PFKM: variants seen among roughly 807,000 people sequenced by gnomAD.
The protein encoded by PFKM is ATP-dependent 6-phosphofructokinase, muscle type.
A neutral mutation model predicts 95.5 loss-of-function variants in PFKM; 58 were observed. The ratio of observed to expected loss-of-function variants is 0.61; its 90% CI spans 0.49 to 0.76. The LOEUF is 0.76. Among genes scored for constraint, PFKM ranks in the 30% least tolerant of loss-of-function variants. PFKM has a pLI of 0.00. For missense variants in PFKM, 678 were observed against 1,005.4 expected (o/e 0.67, Z 4.40); for synonymous variants, 336 against 357.2 (o/e 0.94, Z 0.67).
At chr12:48,135,771 C>T (rs1592749058) in intron 10 of PFKM, among the ~76,000 whole-genome samples, 1 of 152,244 alleles carries the variant, frequency 6.6e-6, no homozygotes, top group East Asian at 1.9e-4. Context: ...AATATCATCA[C>T]CAGGATATTG....
chr12:48,111,083 C>T (rs555489263), intron 3 of PFKM, among the ~76,000 whole-genome samples: 1 of 152,292 alleles, frequency 6.6e-6, no homozygotes, highest in African/African-American at 2.4e-5. Context: ...GATCCAACTG[C>T]CCACTAGACA....
intron 3 of PFKM, among the ~76,000 whole-genome samples, chr12:48,112,603 G>A (rs986602651): frequency 2.0e-5 from 3 of 152,150 alleles, no homozygotes; most frequent in African/African-American, 7.2e-5. Flanking sequence ...AAGAAAGCAT[G>A]TTTGAGATCC....
At chr12:48,137,887 C>T (rs747009207) in intron 11 of PFKM, 41 bp downstream of exon 11, 4 of 1,612,132 alleles carry the variant, frequency 2.5e-6, no homozygotes, top group Non-Finnish European at 3.4e-6. Flanking sequence ...CACTCTCAAG[C>T]CCCTGCCTTG....
At chr12:48,135,609 ATCTTTTTGTTTT>A (rs1950007237) in intron 10 of PFKM, among the ~76,000 whole-genome samples, 1 of 152,152 alleles carries the variant, frequency 6.6e-6, no homozygotes, top group Admixed American at 6.5e-5. Context: ...GAGGAACAAT[ATCTTTTTGTTTT>A]GTTTTGTTTC....
At chr12:48,111,678 T>G (rs1365503105) in intron 3 of PFKM, among the ~76,000 whole-genome samples, 1 of 151,922 alleles carries the variant, frequency 6.6e-6, no homozygotes, top group Admixed American at 6.6e-5. Flanking sequence ...GTAAACCAAG[T>G]GTGATCAGGG....
upstream of PFKM, among the ~76,000 whole-genome samples, chr12:48,116,609 G>T (rs1219916811): frequency 6.6e-6 from 1 of 152,152 alleles, no homozygotes; most frequent in African/African-American, 2.4e-5. Context: ...CTCCTGAGTA[G>T]CTGGGACTAC....
exon 1 of PFKM, chr12:48,106,091 A>C (rs1946559978): frequency 1.4e-6 from 1 of 702,590 alleles, no homozygotes; most frequent in Non-Finnish European, 2.6e-6. Flanking sequence ...AAACCCGGGA[A>C]CCGCCGCGAA....
chr12:48,132,888 T>C lies in PFKM; in HGVS notation c.258T>C (p.Ser86=). 4 of 1,613,430 alleles carry C rather than the reference T, an allele frequency of 2.5e-6. No individual in the cohort carries two copies. Among genetic ancestry groups the C allele is most frequent in the Non-Finnish European group, 3.4e-6 (4 of 1,179,676 alleles). The change falls in exon 5 of 23, where the codon AGT becomes AGC. Residue 86 remains serine (S), a synonymous_variant. Transcript: ENST00000359794. ...MLQLGGTVIG[S]ARCKDFRERE... Reference sequence around the variant, plus strand: ...CAAAGGGAGGCACGGTGATTGGAAGTGCCCGGTGCAAGGACTTTCGGGAAC... The same window carrying C: ...CAAAGGGAGGCACGGTGATTGGAAGCGCCCGGTGCAAGGACTTTCGGGAAC...
chr12:48,134,394 T>A (rs1268930786), intron 7 of PFKM, 118 bp downstream of exon 7: 24 of 882,018 alleles, frequency 2.7e-5, no homozygotes, highest in Non-Finnish European at 4.6e-5. Flanking sequence ...ACATGCTCCT[T>A]GTGGTGTGGT....
At chr12:48,112,750 C>T (rs990081427) in intron 3 of PFKM, among the ~76,000 whole-genome samples, 4 of 152,068 alleles carry the variant, frequency 2.6e-5, no homozygotes. Flanking sequence ...ACCTGTAAGG[C>T]TTGTCTGGTT....
chr12:48,136,864 C>T (rs1029658681), intron 10 of PFKM, among the ~76,000 whole-genome samples: 3 of 151,546 alleles, frequency 2.0e-5, no homozygotes, highest in Admixed American at 6.6e-5. Context: ...AGGGATTCTC[C>T]GGCCTCAGCC....
chr12:48,133,006 G>A lies in PFKM; in HGVS notation c.376G>A (p.Asp126Asn), dbSNP rs754716874. The A allele has an allele frequency of 4.3e-6, 7 of 1,614,084 alleles. No individual in the cohort carries two copies. The highest frequency in any genetic ancestry group is 5.9e-6 in the Non-Finnish European group (7 of 1,180,046). ...IGGDGSLTGA[D>N]TFRSEWSDLL... is the part of the protein sequence containing the mutation. The stretch of plus-strand genomic sequence containing the variant: ...GGGTGATGGCAGCCTCACTGGGGCT[G>A]ACACCTTCCGTTCTGAGTGGAGTGA... Residue 126 changes from aspartate (D) to asparagine (N), a missense_variant, in exon 5 of 23, where the codon GAC becomes AAC. Asp to Asn is a conservative substitution (Grantham distance 23). Transcript: ENST00000359794.
At chr12:48,136,009 C>T (rs1189911958) in intron 10 of PFKM, among the ~76,000 whole-genome samples, 1 of 152,126 alleles carries the variant, frequency 6.6e-6, no homozygotes, top group African/African-American at 2.4e-5. Context: ...CTGCCTCAGC[C>T]TCCCAAGTAG....
chr12:48,136,596 A>G (rs1454481890), intron 10 of PFKM, among the ~76,000 whole-genome samples: 1 of 151,348 alleles, frequency 6.6e-6, no homozygotes, highest in Non-Finnish European at 1.5e-5. Flanking sequence ...TTTCAAAGAT[A>G]CTGCCCAACT....
Position 48,145,028 on chromosome 12 carries a change from C to T in PFKM, c.1993-3C>T, listed in dbSNP as rs773491791. ...TCTGTAATTTTTATGTTTCTTTCTC[C>T]AGGGTGGGAGCCCAACCCCATTTGA... On this transcript the variant is annotated splice_polypyrimidine_tract_variant and splice_region_variant and intron_variant, in intron 20 of 22. Coordinates refer to ENST00000359794, the MANE Select transcript of PFKM (RefSeq NM_000289.6). This position sits in a 1 kb window ranked among gnomAD's most constrained non-coding sequence, Gnocchi z 4.3. The T allele has an allele frequency of 6.2e-7, 1 of 1,602,382 alleles. No individual in the cohort carries two copies. The highest frequency in any genetic ancestry group is 8.6e-7 in the Non-Finnish European group (1 of 1,169,390).
chr12:48,122,880 A>C (rs771313785), intron 2 of PFKM, 21 bp downstream of exon 2: 1 of 1,611,062 alleles, frequency 6.2e-7, no homozygotes, highest in Non-Finnish European at 8.5e-7. Context: ...GGGGACAAAA[A>C]ACATGGCTGG....
intron 12 of PFKM, 159 bp downstream of exon 12, chr12:48,139,508 A>T: frequency 2.9e-6 from 2 of 688,160 alleles, no homozygotes; most frequent in Non-Finnish European, 5.2e-6. Flanking sequence ...TTGTGAGGTG[A>T]CTGGGAGGCT....
chr12:48,134,693 A>G (rs952016755), intron 7 of PFKM, 28 bp from the exon 8 acceptor site: 5 of 1,466,934 alleles, frequency 3.4e-6, no homozygotes, highest in Non-Finnish European at 4.8e-6. Context: ...TACAACTTCT[A>G]GCAGGATGCT....
chr12:48,129,643 G>C (rs556232739), intron 2 of PFKM, among the ~76,000 whole-genome samples: 10 of 152,286 alleles, frequency 6.6e-5, no homozygotes, highest in Admixed American at 6.5e-4. Flanking sequence ...ACAAAAAAGG[G>C]GGGTGTGTGT....
Sources: allele counts gnomAD v4.1 joint callset (sites outside exome capture counted in the v4.1 genomes callset), GRCh38; gene constraint gnomAD v4.1.1; non-coding constraint Gnocchi (gnomAD v3.1); transcripts MANE v1.5; gene names NCBI Gene and HGNC (gene_info 2026-07-23, HGNC 2026-07-21).